The following PSD3 variants were observed in gnomAD, a reference collection of about 807,000 sequenced individuals.
PSD3 encodes pleckstrin and Sec7 domain containing 3.
Under a neutral mutation model 105.5 loss-of-function variants are expected in PSD3, and 49 were observed. The ratio of observed to expected loss-of-function variants is 0.46; its 90% CI spans 0.37 to 0.59. PSD3 has a LOEUF of 0.59. PSD3 is among the 20% of genes least tolerant of loss of function. The pLI is 0.00. For missense variants in PSD3, 1,561 were observed against 1,263.8 expected, an observed-to-expected ratio of 1.24 and a Z score of -3.57; for synonymous variants, 557 against 457.8, an observed-to-expected ratio of 1.22 and a Z score of -2.77.
At chr8:19,075,005 G>T (rs1829420429) in intron 1 of PSD3, among the ~76,000 whole-genome samples, 2 of 151,622 alleles carry the variant, frequency 1.3e-5, no homozygotes, top group Non-Finnish European at 2.9e-5. Flanking sequence ...GAGTACAGTG[G>T]TGCAGTCTCA....
At chr8:18,700,232 CT>C (rs1422223075) in intron 9 of PSD3, among the ~76,000 whole-genome samples, 2 of 152,100 alleles carry the variant, frequency 1.3e-5, no homozygotes, top group Non-Finnish European at 2.9e-5. Flanking sequence ...CCCTGTTTCC[CT>C]TTAAAAACAG....
intron 9 of PSD3, among the ~76,000 whole-genome samples, chr8:18,735,524 A>G (rs1217599469): frequency 6.6e-6 from 1 of 152,172 alleles, no homozygotes; most frequent in Non-Finnish European, 1.5e-5. Context: ...TTCGCCCTAC[A>G]AACATATTTA....
At chr8:18,882,659 G>A (rs1346903963) in intron 2 of PSD3, among the ~76,000 whole-genome samples, 1 of 152,088 alleles carries the variant, frequency 6.6e-6, no homozygotes, top group African/African-American at 2.4e-5. Flanking sequence ...CTAACACTGT[G>A]TTGTCCAATT....
intron 12 of PSD3, among the ~76,000 whole-genome samples, chr8:18,580,636 C>T (rs574299246): frequency 1.8e-4 from 28 of 152,096 alleles, no homozygotes; most frequent in Admixed American, 1.5e-3. Context: ...ATCTCTCTTC[C>T]GAGTAAGCCA....
chr8:18,591,189 A>C (rs1803578281), intron 12 of PSD3, among the ~76,000 whole-genome samples: 1 of 152,284 alleles, frequency 6.6e-6, no homozygotes, highest in Admixed American at 6.5e-5. Context: ...CATCTTACCC[A>C]CATCAACCCC....
intron 1 of PSD3, among the ~76,000 whole-genome samples, chr8:19,025,677 G>C (rs1827524186): frequency 6.6e-6 from 1 of 152,160 alleles, no homozygotes; most frequent in Non-Finnish European, 1.5e-5. Flanking sequence ...CTTACTGTTG[G>C]CATCTGAATT....
At chr8:18,596,293 T>G (rs73211759) in intron 12 of PSD3, among the ~76,000 whole-genome samples, 2,959 of 151,852 alleles carry the variant, frequency 0.019, 48 homozygotes, top group Middle Eastern at 0.034. Context: ...ACACTTAACA[T>G]TAGAAAAGAA....
Position 18,535,224 on chromosome 8 carries a change from A to G in PSD3, c.*519T>C, listed in dbSNP as rs192070111. 3.4e-4 allele frequency: 54 copies of G among 159,826 alleles called. No homozygotes were observed. Among genetic ancestry groups the G allele is most frequent in the Admixed American group, 6.5e-4 (11 of 16,878 alleles). The allele number at this position is 159,826 out of a possible 1,614,324, so 9.9% of individuals were successfully genotyped here. A position where few individuals can be genotyped will look rare whatever the true frequency, so the allele number is the denominator to read the frequency against. On this transcript the variant is annotated 3_prime_UTR_variant, in exon 16 of 16. Transcript: ENST00000327040. ...CATGAAGCTGCCTCATATTGGAGCAACTAGATTCCCAGCACTGTGATTCTT... is the reference window on the plus strand; with the variant it reads ...CATGAAGCTGCCTCATATTGGAGCAGCTAGATTCCCAGCACTGTGATTCTT...
intron 1 of PSD3, among the ~76,000 whole-genome samples, chr8:18,954,757 G>A (rs918828406): frequency 6.6e-6 from 1 of 152,164 alleles, no homozygotes; most frequent in Non-Finnish European, 1.5e-5. Flanking sequence ...TCGCAGGCCT[G>A]CAGTGGGGGC....
intron 4 of PSD3, among the ~76,000 whole-genome samples, chr8:18,812,938 A>G (rs1011579858): frequency 2.0e-5 from 3 of 152,140 alleles, no homozygotes; most frequent in East Asian, 1.9e-4. Context: ...CAACAATCAG[A>G]CTTGGGTTTT....
chr8:18,677,817 T>C (rs1391449317), intron 9 of PSD3, among the ~76,000 whole-genome samples: 1 of 152,028 alleles, frequency 6.6e-6, no homozygotes, highest in Non-Finnish European at 1.5e-5. Flanking sequence ...AAAACCATCC[T>C]GGCTAACACG....
In PSD3 at chr8:18,611,664, CT is replaced by C. The variant is rs1440031903; in HGVS notation, c.2411-11231del. On this transcript the variant is annotated intron_variant, in intron 11 of 15. Coordinates refer to ENST00000327040, the MANE Select transcript of PSD3 (RefSeq NM_015310.4). ...TTTCATGCTAAAACACAAAGAAAGA[CT>C]TTTTTTCTCACTTCTGTGAAAATAA... Among the ~76,000 whole-genome samples the C allele has an allele frequency of 7.2e-5, 11 of 152,136 alleles. No homozygotes were observed. In the South Asian group the frequency reaches 1.5e-3, roughly 20 times the overall value.
At position 18,944,876 on chromosome 8, in the gene PSD3, C is replaced by T. The variant is rs145542143; in HGVS notation, c.22-8734G>A. On this transcript the variant is annotated intron_variant, in intron 1 of 15. Coordinates refer to ENST00000327040, the MANE Select transcript of PSD3 (RefSeq NM_015310.4). ...CCATTATTCTCTGAGCATTTATTTACTTTCTCACGCCACAGAATGTTCCAT... is the reference window on the plus strand; with the variant it reads ...CCATTATTCTCTGAGCATTTATTTATTTTCTCACGCCACAGAATGTTCCAT... Among the ~76,000 whole-genome samples, 832 of 152,254 alleles carry T rather than the reference C, an allele frequency of 5.5e-3. 8 individuals carry two copies. The highest frequency in any genetic ancestry group is 0.019 in the African/African-American group (783 of 41,552).
rs1302975124 is a variant in PSD3 at position 18,533,278 on chromosome 8, C to G, written c.*2465G>C. 1 of 152,184 alleles carries G rather than the reference C, an allele frequency of 6.6e-6. No homozygotes were observed. The highest frequency in any genetic ancestry group is 2.4e-5 in the African/African-American group (1 of 41,436). The allele number at this position is 152,184 out of a possible 1,614,324, so 9.4% of individuals were successfully genotyped here. A position where few individuals can be genotyped will look rare whatever the true frequency, so the allele number is the denominator to read the frequency against. The stretch of plus-strand genomic sequence containing the variant: ...GGAAGAGGTGTTCTCAGCCCATGCG[C>G]TAAAGATGGACAGCATCATGCTACG... On this transcript the variant is annotated 3_prime_UTR_variant, in exon 16 of 16. Coordinates refer to ENST00000327040, the MANE Select transcript of PSD3 (RefSeq NM_015310.4).
chr8:18,655,544 C>T lies in PSD3; in HGVS notation c.2216+98G>A, dbSNP rs554473642. On this transcript the variant is annotated intron_variant, in intron 10 of 15. Coordinates refer to ENST00000327040, the MANE Select transcript of PSD3 (RefSeq NM_015310.4). ...TGGTGTAAAATGAGAATTGGCAATG[C>T]ATATTTAATCCTTCTCTAAGATCAC... is the stretch of plus-strand genomic sequence containing the variant. 3.6e-5 allele frequency: 41 copies of T among 1,124,276 alleles called. No homozygotes were observed. In the African/African-American group the frequency reaches 4.2e-4, roughly 11 times the overall value. The allele number at this position is 1,124,276 out of a possible 1,614,324, so 69.6% of individuals were successfully genotyped here. A position where few individuals can be genotyped will look rare whatever the true frequency, so the allele number is the denominator to read the frequency against.
chr8:18,664,991 G>A (rs1040773343), intron 9 of PSD3, among the ~76,000 whole-genome samples: 1 of 152,162 alleles, frequency 6.6e-6, no homozygotes, highest in African/African-American at 2.4e-5. Context: ...AATGTTACTG[G>A]TCATTAACAG....
At chr8:18,878,018 T>C (rs1025362206) in intron 2 of PSD3, among the ~76,000 whole-genome samples, 2 of 152,188 alleles carry the variant, frequency 1.3e-5, no homozygotes, top group African/African-American at 4.8e-5. Context: ...AAAGCTGTGA[T>C]TTTGATAGGG....
At chr8:18,569,962 G>C (rs1281427279) in intron 14 of PSD3, among the ~76,000 whole-genome samples, 3 of 20,244 alleles carry the variant, frequency 1.5e-4, no homozygotes, top group South Asian at 2.3e-3. Flanking sequence ...TCACAGAATT[G>C]GAAAAAACTA....
intron 15 of PSD3, among the ~76,000 whole-genome samples, chr8:18,541,461 C>T (rs1246288310): frequency 6.6e-6 from 1 of 152,174 alleles, no homozygotes; most frequent in Non-Finnish European, 1.5e-5. Context: ...TGGGAACACA[C>T]CTTTATCTTC....
Sources: allele counts gnomAD v4.1 joint callset (sites outside exome capture counted in the v4.1 genomes callset), GRCh38; gene constraint gnomAD v4.1.1; transcripts MANE v1.5; gene names NCBI Gene and HGNC (gene_info 2026-07-23, HGNC 2026-07-21).